Variants in HSPBAP1 observed in about 807,000 individuals in gnomAD.
HSPBAP1 encodes HSPB1 associated protein 1.
In HSPBAP1, 27 loss-of-function variants were observed where a neutral mutation model predicts 45.2. The ratio of observed to expected loss-of-function variants is 0.60; its 90% CI spans 0.44 to 0.82. The LOEUF (loss-of-function observed/expected upper bound fraction) is 0.82, where lower values mean the gene tolerates loss of function less well. HSPBAP1 is among the 40% of genes least tolerant of loss of function. The pLI, the probability that HSPBAP1 is intolerant of heterozygous loss-of-function variation, is 0.00. For synonymous variants in HSPBAP1, 204 were observed against 202.7 expected (o/e 1.01, Z -0.06); for missense variants, 510 against 590.9 (o/e 0.86, Z 1.42).
At chr3:122,792,994 CT>C (rs370481197) in intron 1 of HSPBAP1, among the ~76,000 whole-genome samples, 14 of 152,310 alleles carry the variant, frequency 9.2e-5, no homozygotes, top group African/African-American at 3.4e-4. Context: ...ACAGAGTGTA[CT>C]ACTGGTAGAA....
Position 122,754,819 on chromosome 3 carries a change from G to A in HSPBAP1, c.741+441C>T, listed in dbSNP as rs369185894. 2.0e-4 allele frequency: 195 copies of A among 987,286 alleles called. 1 individual carries two copies. In the African/African-American group the frequency reaches 3.2e-3, roughly 16 times the overall value. 61.2% of individuals were successfully genotyped at this position (987,286 alleles called of 1,614,324 possible). A position where few individuals can be genotyped will look rare whatever the true frequency, so the allele number is the denominator to read the frequency against. On this transcript the variant is annotated intron_variant, in intron 5 of 7. Transcript: ENST00000306103. The stretch of plus-strand genomic sequence containing the variant: ...TTTTTGCTTAAAAGCAAACATTCTC[G>A]GTTCCTTCTGCCCGTTGGCCCACAC...
At chr3:122,763,930 C>T (rs1423801445) in intron 3 of HSPBAP1, among the ~76,000 whole-genome samples, 1 of 152,224 alleles carries the variant, frequency 6.6e-6, no homozygotes, top group Non-Finnish European at 1.5e-5. Flanking sequence ...CCTATGTTCT[C>T]TCTTCCCTCC....
chr3:122,766,819 G>A (rs754460621), intron 3 of HSPBAP1, among the ~76,000 whole-genome samples: 5 of 152,166 alleles, frequency 3.3e-5, no homozygotes, highest in Non-Finnish European at 5.9e-5. Context: ...ACCTCTTTGG[G>A]TCTCATTTTT....
At chr3:122,791,535 T>A (rs745657160) in intron 1 of HSPBAP1, among the ~76,000 whole-genome samples, 1 of 152,260 alleles carries the variant, frequency 6.6e-6, no homozygotes, top group Non-Finnish European at 1.5e-5. Context: ...AAGGTACTTA[T>A]GATCTAATGG....
intron 1 of HSPBAP1, among the ~76,000 whole-genome samples, chr3:122,780,130 C>T (rs13064620): frequency 0.15 from 19,717 of 132,386 alleles, 2,037 homozygotes; most frequent in East Asian, 0.47. Flanking sequence ...GCTGGCCGGG[C>T]GGGGAGCTGA....
At chr3:122,768,492 T>C (rs1028953943) in intron 3 of HSPBAP1, among the ~76,000 whole-genome samples, 1 of 151,888 alleles carries the variant, frequency 6.6e-6, no homozygotes, top group Non-Finnish European at 1.5e-5. Flanking sequence ...AGTTTGGGAG[T>C]AGGAAAACAA....
chr3:122,765,583 AAAAAAAAAAAAGAGAAAAAG>A (rs1934751199), intron 3 of HSPBAP1, among the ~76,000 whole-genome samples: 1 of 150,084 alleles, frequency 6.7e-6, no homozygotes, highest in Non-Finnish European at 1.5e-5. Context: ...TCTGTCTCAA[AAAAAAAAAAAAGAGAAAAAG>A]AAAAAAAAAA....
intron 6 of HSPBAP1, among the ~76,000 whole-genome samples, chr3:122,751,857 A>G (rs1934156802): frequency 6.6e-6 from 1 of 152,174 alleles, no homozygotes; most frequent in African/African-American, 2.4e-5. Context: ...ACTGATTCCA[A>G]AGCCATTCCT....
chr3:122,743,513 C>T (rs1933740634), intron 6 of HSPBAP1, among the ~76,000 whole-genome samples: 1 of 152,056 alleles, frequency 6.6e-6, no homozygotes, highest in Admixed American at 6.6e-5. Flanking sequence ...TTGCGGTGGG[C>T]CGAGATCGAG....
intron 3 of HSPBAP1, chr3:122,761,969 G>A (rs6766598): frequency 0.68 from 103,445 of 151,810 alleles, 35,944 homozygotes; most frequent in Non-Finnish European, 0.77. Flanking sequence ...TTTGAGTGCT[G>A]CATCTGTAAA....
At chr3:122,781,283 G>C (rs1403379750) in intron 1 of HSPBAP1, among the ~76,000 whole-genome samples, 6 of 152,218 alleles carry the variant, frequency 3.9e-5, no homozygotes, top group African/African-American at 9.6e-5. Context: ...CTGAGTGAAC[G>C]AGACTCCGCC....
intron 6 of HSPBAP1, among the ~76,000 whole-genome samples, chr3:122,746,843 T>C (rs939200020): frequency 3.9e-5 from 6 of 152,120 alleles, no homozygotes; most frequent in Admixed American, 6.5e-5. Flanking sequence ...TTGGTGGAGA[T>C]GGGGTTTCAC....
At chr3:122,758,167 C>T (rs1038065385) in intron 4 of HSPBAP1, among the ~76,000 whole-genome samples, 5 of 152,200 alleles carry the variant, frequency 3.3e-5, no homozygotes, top group African/African-American at 1.2e-4. Context: ...TTCTGTTTTA[C>T]TCTCTGTGCT....
chr3:122,750,515 A>ATATCTATC (rs9289203), intron 6 of HSPBAP1, among the ~76,000 whole-genome samples: 42,808 of 148,966 alleles, frequency 0.29, 6,410 homozygotes, highest in Non-Finnish European at 0.32. Flanking sequence ...AAATACATCA[A>ATATCTATC]TATCTATCTA....
chr3:122,768,896 G>C lies in HSPBAP1; in HGVS notation c.251-14C>G, dbSNP rs1934882343. The C allele has an allele frequency of 1.3e-6, 2 of 1,538,428 alleles. No individual in the cohort carries two copies. The highest frequency in any genetic ancestry group is 2.3e-5 in the South Asian group (2 of 88,152). On this transcript the variant is annotated splice_polypyrimidine_tract_variant and intron_variant, in intron 2 of 7. Transcript: ENST00000306103. ...CAAACTGAGGAACTGCAATGTAAGA[G>C]AATGCAACCTTAAATGTATAATGAA...
intron 3 of HSPBAP1, among the ~76,000 whole-genome samples, chr3:122,763,392 TAATC>T (rs1326347445): frequency 1.3e-5 from 2 of 152,156 alleles, no homozygotes; most frequent in African/African-American, 4.8e-5. Flanking sequence ...ATGTAAAACT[TAATC>T]AAACTGTTCA....
intron 1 of HSPBAP1, among the ~76,000 whole-genome samples, chr3:122,778,634 G>A (rs1012047494): frequency 6.6e-5 from 10 of 151,266 alleles, no homozygotes; most frequent in South Asian, 4.2e-4. Flanking sequence ...GGTTCACGCC[G>A]TTCTCCTGCC....
chr3:122,760,278 AC>A (rs10715840), intron 3 of HSPBAP1, among the ~76,000 whole-genome samples: 65,690 of 151,608 alleles, frequency 0.43, 15,434 homozygotes, highest in South Asian at 0.55. Flanking sequence ...AAGAAAAAAA[AC>A]ATACTAGTGA....
Position 122,740,607 on chromosome 3 carries a change from G to T in HSPBAP1, c.1205C>A (p.Pro402Gln). Reference protein sequence around the residue: ...LVPVAQRSEEPPSERGGIFGS... With the variant: ...LVPVAQRSEEQPSERGGIFGS... Reference sequence around the variant, plus strand: ...AAATATGCCTCCTCTTTCTGAAGGCGGTTCTTCGGACCTCTGTGCTACAGG... The same window carrying T: ...AAATATGCCTCCTCTTTCTGAAGGCTGTTCTTCGGACCTCTGTGCTACAGG... The change falls in exon 8 of 8, where the codon CCG (proline) becomes CAG (glutamine). Residue 402 changes from proline (P) to glutamine (Q), a missense_variant. Coordinates refer to ENST00000306103, the MANE Select transcript of HSPBAP1 (RefSeq NM_024610.6). The T allele has an allele frequency of 6.2e-7, 1 of 1,614,124 alleles. No individual in the cohort carries two copies. The highest frequency in any genetic ancestry group is 1.3e-5 in the African/African-American group (1 of 75,034).
Sources: allele counts gnomAD v4.1 joint callset (sites outside exome capture counted in the v4.1 genomes callset), GRCh38; gene constraint gnomAD v4.1.1; transcripts MANE v1.5; gene names NCBI Gene and HGNC (gene_info 2026-07-23, HGNC 2026-07-21).